The following GRM8 variants were observed in gnomAD, a reference collection of about 807,000 sequenced individuals.
GRM8 encodes the protein metabotropic glutamate receptor 8.
Under a neutral mutation model 87.2 loss-of-function variants are expected in GRM8, and 47 were observed. The observed-to-expected ratio is 0.54, with a 90% CI of 0.43 to 0.69. The LOEUF is 0.69. Among genes scored for constraint, GRM8 ranks in the 30% least tolerant of loss-of-function variants. The probability of loss-of-function intolerance (pLI) is 0.00; values close to 1 mark genes in which losing one functional copy is unlikely to be tolerated. For missense variants in GRM8, 1,019 were observed against 1,139.2 expected, an observed-to-expected ratio of 0.89 and a Z score of 1.52; for synonymous variants, 396 against 404.5, an observed-to-expected ratio of 0.98 and a Z score of 0.25.
At chr7:126,680,705 A>G (rs967440230) in intron 7 of GRM8, among the ~76,000 whole-genome samples, 5 of 152,188 alleles carry the variant, frequency 3.3e-5, no homozygotes, top group Non-Finnish European at 1.5e-5. Flanking sequence ...ACTGCTGACT[A>G]ACATTATTAG....
intron 3 of GRM8, among the ~76,000 whole-genome samples, chr7:126,957,794 A>C (rs1808881991): frequency 1.3e-5 from 2 of 152,218 alleles, no homozygotes; most frequent in Non-Finnish European, 1.5e-5. Flanking sequence ...CAGGAAGCAG[A>C]CAGGCTGAGA....
intron 8 of GRM8, among the ~76,000 whole-genome samples, chr7:126,583,077 C>G (rs1183285325): frequency 6.6e-6 from 1 of 152,128 alleles, no homozygotes; most frequent in African/African-American, 2.4e-5. Flanking sequence ...CACTTCTTGC[C>G]AGGAGTGGTG....
At chr7:126,917,468 C>T (rs562855398) in intron 3 of GRM8, among the ~76,000 whole-genome samples, 283 of 152,094 alleles carry the variant, frequency 1.9e-3, no homozygotes, top group Admixed American at 5.6e-3. Context: ...TAGAACAAAT[C>T]GCAAATAATA....
intron 10 of GRM8, chr7:126,445,128 G>A (rs1801877240): frequency 6.6e-6 from 1 of 152,142 alleles, no homozygotes; most frequent in Admixed American, 6.6e-5. Flanking sequence ...TCATACCACT[G>A]CACTCCAGTC....
At chr7:127,154,497 G>A (rs971741961) in intron 2 of GRM8, among the ~76,000 whole-genome samples, 19 of 151,366 alleles carry the variant, frequency 1.3e-4, no homozygotes, top group East Asian at 3.9e-4. Flanking sequence ...AGCCTGTCCC[G>A]CCCCTTTCAC....
chr7:126,484,610 T>C (rs932984115), intron 9 of GRM8, among the ~76,000 whole-genome samples: 1 of 151,904 alleles, frequency 6.6e-6, no homozygotes, highest in African/African-American at 2.4e-5. Context: ...TACTTACTAC[T>C]ACTTTACTCC....
intron 7 of GRM8, among the ~76,000 whole-genome samples, chr7:126,667,011 G>A (rs1043274857): frequency 6.6e-6 from 1 of 152,046 alleles, no homozygotes; most frequent in Non-Finnish European, 1.5e-5. Context: ...AATATAGCTG[G>A]TCTCAAGGTT....
intron 3 of GRM8, among the ~76,000 whole-genome samples, chr7:127,083,764 A>C (rs1002210622): frequency 1.3e-5 from 2 of 152,086 alleles, no homozygotes; most frequent in East Asian, 1.9e-4. Context: ...CTTTTCCCCC[A>C]AAATCGGCTC....
chr7:127,112,791 T>C (rs1182054367), intron 2 of GRM8, among the ~76,000 whole-genome samples: 4 of 152,218 alleles, frequency 2.6e-5, no homozygotes, highest in African/African-American at 7.2e-5. Context: ...GCCACTTTGC[T>C]TTTTGAAATG....
intron 3 of GRM8, among the ~76,000 whole-genome samples, chr7:127,083,874 C>T (rs1823146750): frequency 6.6e-6 from 1 of 152,114 alleles, no homozygotes; most frequent in Non-Finnish European, 1.5e-5. Flanking sequence ...ATTTACCAAC[C>T]ACTGTAAGTA....
intron 3 of GRM8, among the ~76,000 whole-genome samples, chr7:126,954,296 C>T (rs1291767364): frequency 6.6e-6 from 1 of 152,094 alleles, no homozygotes; most frequent in Non-Finnish European, 1.5e-5. Context: ...TTGCCAGTCA[C>T]GGGGACATGA....
chr7:126,812,651 AG>A (rs1275125500), intron 6 of GRM8, among the ~76,000 whole-genome samples: 1 of 152,002 alleles, frequency 6.6e-6, no homozygotes, highest in African/African-American at 2.4e-5. Context: ...TGGTATCTGT[AG>A]GAGGAGTCCT....
intron 6 of GRM8, among the ~76,000 whole-genome samples, chr7:126,801,966 T>A (rs1364380459): frequency 6.6e-6 from 1 of 152,212 alleles, no homozygotes; most frequent in Non-Finnish European, 1.5e-5. Flanking sequence ...TTAACTAACA[T>A]AAGTAATGTG....
chr7:127,179,769 C>T (rs1289578473), intron 2 of GRM8, among the ~76,000 whole-genome samples: 2 of 151,988 alleles, frequency 1.3e-5, no homozygotes, highest in Non-Finnish European at 2.9e-5. Context: ...AAAACAAAAT[C>T]AAGATGGAAA....
chr7:127,053,798 A>AGGGGG (rs33927872), intron 3 of GRM8, among the ~76,000 whole-genome samples: 4 of 104,424 alleles, frequency 3.8e-5, no homozygotes, highest in African/African-American at 3.8e-5. Context: ...AAAAAAAAAA[A>AGGGGG]GGGGGGGGGG....
At chr7:127,105,459 TTGCAGTCATC>T (rs1362604354) in intron 3 of GRM8, 2 of 152,238 alleles carry the variant, frequency 1.3e-5, no homozygotes, top group Non-Finnish European at 2.9e-5. Flanking sequence ...ACAGAAAAGC[TTGCAGTCATC>T]TGCAAGTCTC....
rs6962330 is a variant in GRM8, at chr7:126,791,293, C to A, written c.1157-21228G>T. Among the ~76,000 whole-genome samples, 201 of 152,312 alleles carry A rather than the reference C, an allele frequency of 1.3e-3. 3 individuals carry two copies. The highest frequency in any genetic ancestry group is 4.4e-3 in the African/African-American group (181 of 41,558). ...TTGATATATCTTCTCTTGCTACTAG[C>A]ATTCTTTGCCTTTATTTTGTGACTT... On this transcript the variant is annotated intron_variant, in intron 6 of 10. Coordinates refer to ENST00000339582, the MANE Select transcript of GRM8 (RefSeq NM_000845.3).
intron 9 of GRM8, among the ~76,000 whole-genome samples, chr7:126,493,483 T>C (rs1023052640): frequency 6.6e-6 from 1 of 152,148 alleles, no homozygotes; most frequent in African/African-American, 2.4e-5. Flanking sequence ...AATGGAGCAA[T>C]GATCATCTTT....
chr7:126,800,103 TCTAA>T (rs1822485408), intron 6 of GRM8, among the ~76,000 whole-genome samples: 1 of 152,098 alleles, frequency 6.6e-6, no homozygotes, highest in African/African-American at 2.4e-5. Flanking sequence ...CAACACAAGC[TCTAA>T]CTTTCAAGTT....
Sources: allele counts gnomAD v4.1 joint callset (sites outside exome capture counted in the v4.1 genomes callset), GRCh38; gene constraint gnomAD v4.1.1; transcripts MANE v1.5; gene names NCBI Gene and HGNC (gene_info 2026-07-23, HGNC 2026-07-21).